The following PHIP variants were observed in gnomAD, a reference collection of about 807,000 sequenced individuals.
The protein encoded by PHIP is PH-interacting protein.
In PHIP, 54 loss-of-function variants were observed where a neutral mutation model predicts 236.8. That is an observed-to-expected ratio of 0.23 (90% CI 0.18 to 0.29). PHIP has a LOEUF of 0.29. Among genes scored for constraint, PHIP ranks in the 10% least tolerant of loss-of-function variants. The pLI, the probability that PHIP is intolerant of heterozygous loss-of-function variation, is 1.00. For synonymous variants in PHIP, 756 were observed against 718.9 expected (o/e 1.05, Z -0.83); for missense variants, 1,370 against 2,190.8 (o/e 0.63, Z 7.48).
chr6:78,978,262 A>G (rs888974917), intron 24 of PHIP, among the ~76,000 whole-genome samples: 3 of 152,222 alleles, frequency 2.0e-5, no homozygotes, highest in African/African-American at 7.2e-5. Context: ...TTCCTTTAAC[A>G]TGTTATACAT....
chr6:78,945,710 A>T (rs1773775513), intron 38 of PHIP: 1 of 601,540 alleles, frequency 1.7e-6, no homozygotes, highest in East Asian at 2.9e-5. Flanking sequence ...CCATCATTTC[A>T]AAATTTCGAA....
At chr6:78,955,568 A>T in intron 33 of PHIP, 45 bp downstream of exon 33, 1 of 671,218 alleles carries the variant, frequency 1.5e-6, no homozygotes, top group Admixed American at 2.7e-5. Context: ...AAATTTTTTT[A>T]TATAGAGAAT....
intron 19 of PHIP, among the ~76,000 whole-genome samples, chr6:78,995,395 G>A (rs1301297618): frequency 6.6e-6 from 1 of 152,166 alleles, no homozygotes; most frequent in East Asian, 1.9e-4. Context: ...TGCAACTGCT[G>A]GGTCATATGA....
At chr6:78,984,579 T>G (rs1233590731) in intron 22 of PHIP, among the ~76,000 whole-genome samples, 1 of 152,202 alleles carries the variant, frequency 6.6e-6, no homozygotes, top group Non-Finnish European at 1.5e-5. Context: ...ACTCTGATTC[T>G]GCTGTCGAGC....
chr6:78,940,030 T>C lies in PHIP; in HGVS notation c.*663A>G, dbSNP rs1386764434. 6.6e-6 allele frequency: 1 copy of C among 150,546 alleles called. No individual in the cohort carries two copies. Among genetic ancestry groups the C allele is most frequent in the East Asian group, 2.0e-4 (1 of 5,086 alleles). 9.3% of individuals were successfully genotyped at this position (150,546 alleles called of 1,614,324 possible). A position where few individuals can be genotyped will look rare whatever the true frequency, so the allele number is the denominator to read the frequency against. On this transcript the variant is annotated 3_prime_UTR_variant, in exon 40 of 40. Transcript: ENST00000275034. ...AGGTCTGAAAAATTAGACAGTCAAATGTTTTCCAATGTGGATATGTTTCCC... is the reference window on the plus strand; with the variant it reads ...AGGTCTGAAAAATTAGACAGTCAAACGTTTTCCAATGTGGATATGTTTCCC...
chr6:79,022,042 T>G (rs975966981), intron 9 of PHIP, among the ~76,000 whole-genome samples: 2 of 152,092 alleles, frequency 1.3e-5, no homozygotes, highest in Non-Finnish European at 2.9e-5. Context: ...ATAAAAAGAT[T>G]TTATATTTTT....
At chr6:78,996,901 T>C (rs1769651212) in intron 19 of PHIP, among the ~76,000 whole-genome samples, 1 of 152,028 alleles carries the variant, frequency 6.6e-6, no homozygotes, top group Non-Finnish European at 1.5e-5. Context: ...ACTTCCCTCA[T>C]GGCATGGTCT....
intron 4 of PHIP, among the ~76,000 whole-genome samples, chr6:79,068,536 C>CAACTT: frequency 6.6e-6 from 1 of 152,262 alleles, no homozygotes; most frequent in Non-Finnish European, 1.5e-5. Flanking sequence ...GTTGCTAAGG[C>CAACTT]TGAGGGTGGG....
chr6:78,985,522 C>A, intron 21 of PHIP, 94 bp from the exon 22 acceptor site: 1 of 763,986 alleles, frequency 1.3e-6, no homozygotes, highest in South Asian at 1.5e-5. Context: ...TAATATCAGT[C>A]ATATTGGGAT....
intron 14 of PHIP, among the ~76,000 whole-genome samples, 181 bp downstream of exon 14, chr6:79,015,449 T>C (rs1455776732): frequency 6.6e-6 from 1 of 151,782 alleles, no homozygotes. Context: ...ATATCTACTA[T>C]ATATTTCCAA....
intron 39 of PHIP, among the ~76,000 whole-genome samples, chr6:78,943,508 A>T (rs941618465): frequency 5.3e-5 from 8 of 152,196 alleles, no homozygotes; most frequent in Admixed American, 2.6e-4. Flanking sequence ...TAAAAATGTG[A>T]AACACTCATA....
intron 29 of PHIP, among the ~76,000 whole-genome samples, chr6:78,964,712 C>A (rs1044357988): frequency 6.6e-6 from 1 of 152,078 alleles, no homozygotes; most frequent in Admixed American, 6.6e-5. Flanking sequence ...AGGCTGCTCT[C>A]CAACACCTGA....
chr6:79,012,520 A>AC (rs1274633470), intron 15 of PHIP, among the ~76,000 whole-genome samples: 7 of 151,714 alleles, frequency 4.6e-5, no homozygotes, highest in African/African-American at 1.7e-4. Context: ...ATATGACTAG[A>AC]CCCTTCACAT....
intron 7 of PHIP, among the ~76,000 whole-genome samples, chr6:79,038,446 T>C (rs548629894): frequency 6.6e-6 from 1 of 152,274 alleles, no homozygotes; most frequent in East Asian, 1.9e-4. Flanking sequence ...ATTAATTAGG[T>C]TTCAACATAT....
chr6:79,037,707 G>A (rs141004445), intron 7 of PHIP, among the ~76,000 whole-genome samples: 85 of 152,346 alleles, frequency 5.6e-4, no homozygotes, highest in African/African-American at 2.0e-3. Context: ...TACAGTAGCA[G>A]AGAGGAACTT....
At chr6:79,068,060 T>C (rs1019445934) in intron 4 of PHIP, 13 of 156,786 alleles carry the variant, frequency 8.3e-5, no homozygotes, top group African/African-American at 3.1e-4. Context: ...AAAAGGCAAG[T>C]GTTATCAGTA....
chr6:78,955,294 G>T lies in PHIP; in HGVS notation c.3853-12C>A. On this transcript the variant is annotated splice_polypyrimidine_tract_variant and intron_variant, in intron 33 of 39. Coordinates refer to ENST00000275034, the MANE Select transcript of PHIP (RefSeq NM_017934.7). Reference sequence around the variant, plus strand: ...TCTTTCTCTTCATCCTTTGAGGCAAGAATTTACCAGATTCATAAAACATTT... The same window carrying T: ...TCTTTCTCTTCATCCTTTGAGGCAATAATTTACCAGATTCATAAAACATTT... 6.3e-7 allele frequency: 1 copy of T among 1,587,896 alleles called. No homozygotes were observed. Among genetic ancestry groups the T allele is most frequent in the Middle Eastern group, 1.7e-4 (1 of 5,996 alleles).
At chr6:79,058,376 G>T (rs1437926859) in intron 6 of PHIP, among the ~76,000 whole-genome samples, 1 of 151,738 alleles carries the variant, frequency 6.6e-6, no homozygotes, top group Admixed American at 6.6e-5. Flanking sequence ...CTTGTCAGCA[G>T]TATTTACTAA....
chr6:78,953,472 C>A (rs982258313), intron 35 of PHIP, among the ~76,000 whole-genome samples: 2 of 152,122 alleles, frequency 1.3e-5, no homozygotes, highest in Non-Finnish European at 2.9e-5. Flanking sequence ...CATAGCTGAG[C>A]TTGCAAGAAC....
Sources: gnomAD v4.1 joint callset for allele counts (sites outside exome capture counted in the v4.1 genomes callset) on GRCh38, gnomAD v4.1.1 for gene constraint, MANE v1.5 for transcripts, NCBI Gene and HGNC (gene_info 2026-07-23, HGNC 2026-07-21) for gene names.